Variants in BEST1 observed in about 807,000 individuals in gnomAD.
BEST1 encodes bestrophin-1.
In BEST1, 58 loss-of-function variants were observed where a neutral mutation model predicts 63.3. That is an observed-to-expected ratio of 0.92 (90% CI 0.74 to 1.14). The LOEUF (loss-of-function observed/expected upper bound fraction) is 1.14. Ranked by LOEUF, BEST1 falls within the 50% of genes most tolerant of loss-of-function variation. BEST1 has a pLI of 0.00. For missense variants in BEST1, 671 were observed against 740.1 expected (o/e 0.91, Z 1.08); for synonymous variants, 283 against 291.6 (o/e 0.97, Z 0.30).
chr11:61,956,739 G>T (rs1941409607), intron 4 of BEST1, 105 bp from the exon 5 acceptor site: 5 of 1,448,578 alleles, frequency 3.5e-6, no homozygotes, highest in African/African-American at 2.8e-5. Context: ...GTTGTTGAAA[G>T]AAAGAGGATG....
chr11:61,953,363 C>T (rs947067703), intron 2 of BEST1, among the ~76,000 whole-genome samples: 25 of 152,076 alleles, frequency 1.6e-4, no homozygotes, highest in African/African-American at 2.7e-4. Context: ...ATCACTTGAG[C>T]CCAGGAGTTT....
chr11:61,964,778 C>T (rs377707464), downstream of BEST1: 14 of 1,599,646 alleles, frequency 8.8e-6, no homozygotes, highest in South Asian at 3.3e-5. Context: ...AGAGATATTC[C>T]GCCAAGCCAG....
chr11:61,964,038 A>G, intron 10 of BEST1, 66 bp from the exon 11 acceptor site: 1 of 1,610,438 alleles, frequency 6.2e-7, no homozygotes, highest in Non-Finnish European at 8.5e-7. Context: ...TCCTACTGCA[A>G]CATTTTGGTA....
downstream of BEST1, chr11:61,965,457 T>C (rs1942431739): frequency 1.2e-6 from 2 of 1,610,760 alleles, no homozygotes; most frequent in Non-Finnish European, 1.7e-6. Context: ...ATGAGATTGG[T>C]GAAGAAAGTA....
In BEST1 at chr11:61,962,558, A is replaced by C. The variant is rs771028157; in HGVS notation, c.1404A>C (p.Pro468=). 6.2e-7 allele frequency: 1 copy of C among 1,614,148 alleles called. No homozygotes were observed. The highest frequency in any genetic ancestry group is 8.5e-7 in the Non-Finnish European group (1 of 1,180,020). The change falls in exon 10 of 11, where the codon CCA becomes CCC. Residue 468 remains proline (P), a synonymous_variant. Coordinates refer to ENST00000378043, the MANE Select transcript of BEST1 (RefSeq NM_004183.4). ...LYQRPGYYSA[P]QTPLSPTPMF... ...AGAGGCCAGGCTACTACAGTGCCCCACAGACGCCCCTCAGCCCCACTCCCA... is the reference window on the plus strand; with the variant it reads ...AGAGGCCAGGCTACTACAGTGCCCCCCAGACGCCCCTCAGCCCCACTCCCA...
At position 61,957,009 on chromosome 11, in the gene BEST1, T is replaced by C; in HGVS notation, c.636+11T>C. On this transcript the variant is annotated intron_variant, in intron 5 of 10. Transcript: ENST00000378043. The stretch of plus-strand genomic sequence containing the variant: ...CAGAGCCTGCTGAACGTGAGCCCAC[T>C]GTACAGACAGGGCTGCCGCAGAGTG... The C allele has an allele frequency of 7.4e-6, 12 of 1,614,114 alleles. No homozygotes were observed. Among genetic ancestry groups the C allele is most frequent in the Non-Finnish European group, 1.0e-5 (12 of 1,180,008 alleles).
chr11:61,964,437 A>G lies in BEST1; in HGVS notation c.*315A>G. 1 of 614,760 alleles carries G rather than the reference A, an allele frequency of 1.6e-6. No individual in the cohort carries two copies. Among genetic ancestry groups the G allele is most frequent in the Non-Finnish European group, 2.8e-6 (1 of 354,216 alleles). The allele number at this position is 614,760 out of a possible 1,614,324, so 38.1% of individuals were successfully genotyped here. A position where few individuals can be genotyped will look rare whatever the true frequency, so the allele number is the denominator to read the frequency against. On this transcript the variant is annotated 3_prime_UTR_variant, in exon 11 of 11. Transcript: ENST00000378043. ...CCTTAGTATACTGCCCAAACTAATG[A>G]GTTTAATAAATACAAATACTCGTTT...
chr11:61,955,421 A>G (rs2134427693), intron 3 of BEST1: 12 of 1,416,682 alleles, frequency 8.5e-6, no homozygotes, highest in Non-Finnish European at 1.1e-5. Flanking sequence ...TGAAAACCCC[A>G]TTTTCTGAGG....
intron 7 of BEST1, chr11:61,958,535 G>C (rs1180597065): frequency 6.8e-6 from 7 of 1,032,082 alleles, no homozygotes; most frequent in African/African-American, 1.6e-5. Flanking sequence ...ACTCCAGCCT[G>C]GGCAAAAGAA....
rs1458958393 is a variant in BEST1, at chr11:61,955,996, G to A, written c.481+45G>A. 5 of 1,506,520 alleles carry A rather than the reference G, an allele frequency of 3.3e-6. No homozygotes were observed. The Admixed American group carries it at 1.0e-4, about 31-fold the overall frequency. The allele number at this position is 1,506,520 out of a possible 1,614,324, so 93.3% of individuals were successfully genotyped here. On this transcript the variant is annotated intron_variant, in intron 4 of 10. Transcript: ENST00000378043. ...CGGGGAGGCACCGGGCAGAGCCAGG[G>A]GCCGAGATGGGCGCGGCAGGAATGG...
At chr11:61,952,864 T>G (rs564943517) in intron 2 of BEST1, among the ~76,000 whole-genome samples, 61 of 152,166 alleles carry the variant, frequency 4.0e-4, no homozygotes, top group African/African-American at 1.4e-3. Flanking sequence ...TCCCAGCACT[T>G]TGAGGGGCCA....
rs17185413 is a variant in BEST1 at position 61,963,081 on chromosome 11, T to G, written c.1739+188T>G. The G allele has an allele frequency of 4.1e-6, 6 of 1,475,886 alleles. No individual in the cohort carries two copies. The South Asian group carries it at 7.0e-5, about 17-fold the overall frequency. The allele number at this position is 1,475,886 out of a possible 1,614,324, so 91.4% of individuals were successfully genotyped here. ...CTTCACAGGGATCCTAGGGAAGTGT[T>G]CGGGACCTTTTCTCACTTCACCCTG... On this transcript the variant is annotated intron_variant, in intron 10 of 10. Coordinates refer to ENST00000378043, the MANE Select transcript of BEST1 (RefSeq NM_004183.4).
chr11:61,963,297 T>C, intron 10 of BEST1: 3 of 1,364,992 alleles, frequency 2.2e-6, no homozygotes, highest in Non-Finnish European at 2.8e-6. Flanking sequence ...GGATGACAGA[T>C]GAACACTTCC....
chr11:61,953,647 T>C (rs195169), intron 2 of BEST1, among the ~76,000 whole-genome samples: 61,645 of 151,908 alleles, frequency 0.41, 16,111 homozygotes, highest in Middle Eastern at 0.63. Flanking sequence ...GAGGCAGAGG[T>C]TGCAGTGAGC....
intron 6 of BEST1, among the ~76,000 whole-genome samples, 155 bp from the exon 7 acceptor site, chr11:61,957,991 A>AACAG (rs912679602): frequency 1.3e-5 from 2 of 151,380 alleles, no homozygotes; most frequent in African/African-American, 4.9e-5. Context: ...CAAACAAACA[A>AACAG]ACAAACAAAG....
Position 61,959,503 on chromosome 11 carries a change from A to C in BEST1, c.873A>C (p.Ala291=), listed in dbSNP as rs1164025152. 1 of 1,614,224 alleles carries C rather than the reference A, an allele frequency of 6.2e-7. No individual in the cohort carries two copies. The highest frequency in any genetic ancestry group is 8.5e-7 in the Non-Finnish European group (1 of 1,180,026). The change falls in exon 8 of 11, where the codon GCA becomes GCC. Residue 291 remains alanine, a synonymous_variant. Transcript: ENST00000378043. The part of the protein sequence containing the change: ...FFFYVGWLKV[A]EQLINPFGED... ...GAGCCTCACCTGTCCCCAAGGTGGC[A>C]GAGCAGCTCATCAACCCCTTTGGAG...
At position 61,962,389 on chromosome 11, in the gene BEST1, T is replaced by A. The variant is rs1409957638; in HGVS notation, c.1235T>A (p.Leu412Gln). The change falls in exon 10 of 11, where the codon CTA becomes CAA. Residue 412 changes from leucine (L) to glutamine (Q), a missense_variant. Coordinates refer to ENST00000378043, the MANE Select transcript of BEST1 (RefSeq NM_004183.4). ...CCCAGGGCAAACTCAAGGACCAAACTACTGTGGCCCAAGAGGGAATCCCTT... is the reference window on the plus strand; with the variant it reads ...CCCAGGGCAAACTCAAGGACCAAACAACTGTGGCCCAAGAGGGAATCCCTT... Reference protein sequence around the residue: ...HPPRANSRTKLLWPKRESLLH... With the variant: ...HPPRANSRTKQLWPKRESLLH... 1.2e-6 allele frequency: 2 copies of A among 1,614,110 alleles called. No individual in the cohort carries two copies. The highest frequency in any genetic ancestry group is 1.3e-5 in the African/African-American group (1 of 75,020).
chr11:61,951,590 C>T (rs1432958460), intron 1 of BEST1, among the ~76,000 whole-genome samples, 181 bp from the exon 2 acceptor site: 2 of 152,230 alleles, frequency 1.3e-5, no homozygotes, highest in Non-Finnish European at 2.9e-5. Context: ...CCTCTGGGCT[C>T]ACTTTCTTGC....
At chr11:61,955,995 G>A in intron 4 of BEST1, 44 bp downstream of exon 4, 1 of 1,507,032 alleles carries the variant, frequency 6.6e-7, no homozygotes, top group Non-Finnish European at 9.0e-7. Context: ...GCAGAGCCAG[G>A]GGCCGAGATG....
Sources: allele counts gnomAD v4.1 joint callset (sites outside exome capture counted in the v4.1 genomes callset), GRCh38; gene constraint gnomAD v4.1.1; transcripts MANE v1.5; gene names NCBI Gene and HGNC (gene_info 2026-07-23, HGNC 2026-07-21).